Variants in NFASC observed in about 807,000 individuals in gnomAD.
The protein encoded by NFASC is neurofascin homolog.
NFASC carries 43 observed loss-of-function variants against 147.5 expected under a neutral mutation model. That is an observed-to-expected ratio of 0.29 (90% CI 0.23 to 0.38). The LOEUF is 0.38. NFASC is among the 10% of genes least tolerant of loss of function. NFASC has a pLI of 1.00. For missense variants in NFASC, 1,320 were observed against 1,689.0 expected (o/e 0.78, Z 3.83); for synonymous variants, 622 against 665.5 (o/e 0.93, Z 1.01).
At chr1:204,983,682 C>T (rs532530419) in intron 21 of NFASC, among the ~76,000 whole-genome samples, 3 of 152,276 alleles carry the variant, frequency 2.0e-5, no homozygotes, top group East Asian at 3.9e-4. Flanking sequence ...ACAAGGGAAC[C>T]CCGCTGATAA....
intron 1 of NFASC, among the ~76,000 whole-genome samples, chr1:204,909,941 A>C (rs940205994): frequency 6.6e-6 from 1 of 151,734 alleles, no homozygotes. Flanking sequence ...CCATTGATCT[A>C]TGTGTCTCTT....
chr1:204,860,055 C>T (rs1033524304), intron 1 of NFASC, among the ~76,000 whole-genome samples: 1 of 152,092 alleles, frequency 6.6e-6, no homozygotes, highest in African/African-American at 2.4e-5. Flanking sequence ...GTGGGCTGCC[C>T]TCATGACAAG....
At chr1:205,005,024 G>T (rs978129730) in intron 27 of NFASC, among the ~76,000 whole-genome samples, 4 of 152,238 alleles carry the variant, frequency 2.6e-5, no homozygotes, top group African/African-American at 9.6e-5. Flanking sequence ...TGGAAGCTTA[G>T]AGTGGGCCAG....
At chr1:204,857,855 T>C (rs571027044) in intron 1 of NFASC, among the ~76,000 whole-genome samples, 2 of 151,998 alleles carry the variant, frequency 1.3e-5, no homozygotes, top group East Asian at 3.9e-4. Flanking sequence ...TGGCCACTTC[T>C]CCCTGTGTCT....
At chr1:204,894,428 A>G (rs533235671) in intron 1 of NFASC, among the ~76,000 whole-genome samples, 1 of 152,326 alleles carries the variant, frequency 6.6e-6, no homozygotes, top group Admixed American at 6.5e-5. Context: ...TAGTTTCAAA[A>G]ACATTCAATT....
At position 204,981,860 on chromosome 1, in the gene NFASC, A is replaced by G. The variant is rs746252783; in HGVS notation, c.2310A>G (p.Arg770=). ...GCTACATTGTCAAGTGGAGGCGGAGAGAGACTCGAGAGGCCTGGAACAACG... is the reference window on the plus strand; with the variant it reads ...GCTACATTGTCAAGTGGAGGCGGAGGGAGACTCGAGAGGCCTGGAACAACG... ...NLRYIVKWRR[R]ETREAWNNVT... Residue 770 remains arginine, a synonymous_variant, in exon 21 of 30, where the codon AGA becomes AGG. Transcript: ENST00000339876. The G allele has an allele frequency of 1.2e-6, 2 of 1,602,074 alleles. No individual in the cohort carries two copies. The highest frequency in any genetic ancestry group is 1.7e-5 in the Admixed American group (1 of 58,108).
intron 1 of NFASC, among the ~76,000 whole-genome samples, chr1:204,830,578 TTGTGTGTGTTGTGA>T (rs1363379538): frequency 2.6e-5 from 4 of 151,392 alleles, no homozygotes; most frequent in Admixed American, 1.3e-4. Flanking sequence ...AAGGGGTGTG[TTGTGTGTGTTGTGA>T]TGTGTGTGTG....
chr1:204,953,681 T>C (rs1023832681), intron 5 of NFASC, among the ~76,000 whole-genome samples: 6 of 152,186 alleles, frequency 3.9e-5, no homozygotes, highest in Non-Finnish European at 2.9e-5. Flanking sequence ...CCTAAGCCGT[T>C]TCACTTTGGC....
At chr1:204,834,050 T>A (rs1672998223) in intron 1 of NFASC, among the ~76,000 whole-genome samples, 2 of 152,134 alleles carry the variant, frequency 1.3e-5, no homozygotes, top group Admixed American at 1.3e-4. Flanking sequence ...AATTTGGATA[T>A]GCAAGAGAAG....
At chr1:204,830,843 T>C (rs1672023811) in intron 1 of NFASC, among the ~76,000 whole-genome samples, 1 of 152,318 alleles carries the variant, frequency 6.6e-6, no homozygotes, top group Admixed American at 6.5e-5. Flanking sequence ...CTCTGTCCCT[T>C]CTCTGCAAGG....
At chr1:204,855,063 T>C (rs2102739157) in intron 1 of NFASC, among the ~76,000 whole-genome samples, 1 of 152,344 alleles carries the variant, frequency 6.6e-6, no homozygotes, top group Non-Finnish European at 1.5e-5. Context: ...TCACAAGGAC[T>C]CCTGAGACTC....
At chr1:204,880,837 G>T (rs1476587059) in intron 1 of NFASC, among the ~76,000 whole-genome samples, 1 of 152,222 alleles carries the variant, frequency 6.6e-6, no homozygotes, top group Non-Finnish European at 1.5e-5. Context: ...GAACCCAAAA[G>T]AAAGTCCTGT....
In NFASC at chr1:204,980,374, C is replaced by T. The variant is rs12084475; in HGVS notation, c.2181C>T (p.Pro727=). The change falls in exon 20 of 30, where the codon CCC becomes CCT. Residue 727 remains proline (P), a synonymous_variant. Coordinates refer to ENST00000339876, the MANE Select transcript of NFASC (RefSeq NM_001005388.3). The stretch of plus-strand genomic sequence containing the variant: ...CTGTGTCTGTTTGGGTTCCAGCCCC[C>T]GAGTCCAATCCTGGTGACGTGAAGG... ...SERYRTSGAP[P]ESNPGDVKGE... is the part of the protein sequence containing the mutation. The T allele has an allele frequency of 3.2e-4, 509 of 1,613,518 alleles. 2 individuals are homozygous for T. In the African/African-American group the frequency reaches 5.7e-3, roughly 18 times the overall value.
At chr1:204,849,580 C>A (rs2075488973) in intron 1 of NFASC, among the ~76,000 whole-genome samples, 1 of 152,140 alleles carries the variant, frequency 6.6e-6, no homozygotes, top group Admixed American at 6.5e-5. Context: ...AGCCATTAGT[C>A]CAATTCCCTC....
rs564513596 is a variant in NFASC, at chr1:204,952,014, C to T, written c.113C>T (p.Thr38Met). Reference protein sequence around the residue: ...PMDPSIQNELTQPPTITKQSA... With the variant: ...PMDPSIQNELMQPPTITKQSA... ...TGCTCCCTGTGCACTGTTGCAGTGA[C>T]GCAGCCGCCAACCATCACCAAGCAG... The change falls in exon 5 of 30, where the codon ACG becomes ATG. Residue 38 changes from threonine (T) to methionine (M), a missense_variant. Thr to Met is a moderately conservative substitution (Grantham distance 81, BLOSUM62 -1). This residue lies in a region of NFASC where 981 missense variants were observed against 1,289.5 expected (regional missense o/e 0.76). Transcript: ENST00000339876. 1.9e-5 allele frequency: 30 copies of T among 1,613,884 alleles called. No homozygotes were observed. In the African/African-American group the frequency reaches 2.4e-4, roughly 13 times the overall value.
chr1:205,012,732 C>T (rs980984291), intron 28 of NFASC, 65 bp from the exon 29 acceptor site: 7 of 1,199,144 alleles, frequency 5.8e-6, no homozygotes, highest in Non-Finnish European at 8.7e-6. Flanking sequence ...TTCAGTGGAG[C>T]CCTAGAGAGC....
At chr1:204,872,553 C>A (rs1275321936) in intron 1 of NFASC, among the ~76,000 whole-genome samples, 2 of 152,188 alleles carry the variant, frequency 1.3e-5, no homozygotes, top group African/African-American at 4.8e-5. Flanking sequence ...CGGCTGGGCA[C>A]CTGGCCTGGA....
At chr1:204,839,375 AC>A (rs1674635074) in intron 1 of NFASC, among the ~76,000 whole-genome samples, 1 of 56,198 alleles carries the variant, frequency 1.8e-5, no homozygotes, top group Admixed American at 2.5e-4. Context: ...TGAAACACAC[AC>A]ACACACACAC....
In NFASC at chr1:204,958,057, G is replaced by A. The variant is rs3818950; in HGVS notation, c.706+231G>A. ...TCTAAGTCAATCCTCCTCAAATTCT[G>A]GTGGGAATCAGAATCACCTTAGAAC... On this transcript the variant is annotated intron_variant, in intron 8 of 29. Coordinates refer to ENST00000339876, the MANE Select transcript of NFASC (RefSeq NM_001005388.3). Among the ~76,000 whole-genome samples, 76 of 152,220 alleles carry A rather than the reference G, an allele frequency of 5.0e-4. 1 individual carries two copies. The East Asian group carries it at 0.015, about 29-fold the overall frequency.
Sources: allele counts gnomAD v4.1 joint callset (sites outside exome capture counted in the v4.1 genomes callset), GRCh38; gene constraint gnomAD v4.1.1; regional missense constraint gnomAD v4.1.1; transcripts MANE v1.5; gene names NCBI Gene and HGNC (gene_info 2026-07-23, HGNC 2026-07-21).